Variants in NUP205 observed in about 807,000 individuals in gnomAD.
The protein encoded by NUP205 is nucleoporin 205.
Under a neutral mutation model 253.8 loss-of-function variants are expected in NUP205, and 76 were observed. That is an observed-to-expected ratio of 0.30 (90% CI 0.25 to 0.36). The LOEUF (loss-of-function observed/expected upper bound fraction) is 0.36. Ranked by LOEUF, NUP205 falls within the 10% of genes least tolerant of loss-of-function variation. NUP205 has a pLI of 1.00. For synonymous variants in NUP205, 832 were observed against 850.1 expected (o/e 0.98, Z 0.37); for missense variants, 2,162 against 2,425.5 (o/e 0.89, Z 2.28).
At chr7:135,617,820 C>G (rs779948244) in intron 27 of NUP205, 138 bp downstream of exon 27, 2 of 465,730 alleles carry the variant, frequency 4.3e-6, no homozygotes, top group Non-Finnish European at 7.7e-6. Flanking sequence ...GAGTCTTTCA[C>G]TTTTGATTTT....
intron 34 of NUP205, among the ~76,000 whole-genome samples, chr7:135,629,016 T>G (rs1794651029): frequency 6.6e-6 from 1 of 152,244 alleles, no homozygotes; most frequent in Non-Finnish European, 1.5e-5. Context: ...TATAAGACAC[T>G]GGTTCCCTAA....
At chr7:135,595,283 GTGT>G (rs1327371759) in intron 13 of NUP205, among the ~76,000 whole-genome samples, 2 of 151,588 alleles carry the variant, frequency 1.3e-5, no homozygotes, top group Non-Finnish European at 2.9e-5. Flanking sequence ...GAGTACAGTT[GTGT>G]GATCTCAGCT....
chr7:135,567,709 A>G (rs1433960984), intron 1 of NUP205, among the ~76,000 whole-genome samples: 1 of 152,096 alleles, frequency 6.6e-6, no homozygotes, highest in East Asian at 1.9e-4. Flanking sequence ...TGTTGTTCTT[A>G]TATCCTGGTA....
At position 135,594,640 on chromosome 7, in the gene NUP205, C is replaced by G; in HGVS notation, c.1924C>G (p.Leu642Val). The G allele has an allele frequency of 6.2e-7, 1 of 1,613,932 alleles. No homozygotes were observed. Reference sequence around the variant, plus strand: ...CCTCCAATGCAGTATTCCCCCTGTCCTAAAAGCTGAGCTACTGAAGACACT... The same window carrying G: ...CCTCCAATGCAGTATTCCCCCTGTCGTAAAAGCTGAGCTACTGAAGACACT... Reference protein sequence around the residue: ...GLLQCSIPPVLKAELLKTLAA... With the variant: ...GLLQCSIPPVVKAELLKTLAA... Residue 642 changes from leucine (L) to valine (V), a missense_variant, in exon 13 of 43, where the codon CTA becomes GTA. By Grantham distance (32) the Leu-to-Val change is conservative. Around this residue, in one of 5 missense-constraint regions of NUP205, gnomAD observed 892 missense variants for 957.1 expected, o/e 0.93. Transcript: ENST00000285968.
intron 19 of NUP205, among the ~76,000 whole-genome samples, chr7:135,605,394 C>T (rs888800049): frequency 6.6e-6 from 1 of 152,130 alleles, no homozygotes; most frequent in African/African-American, 2.4e-5. Flanking sequence ...TGTTGGATGG[C>T]ACAGATCTTA....
chr7:135,640,719 AG>A, intron 38 of NUP205, among the ~76,000 whole-genome samples: 1 of 152,212 alleles, frequency 6.6e-6, no homozygotes, highest in Non-Finnish European at 1.5e-5. Context: ...CTTTATTTAA[AG>A]GTATCTTTCA....
intron 33 of NUP205, among the ~76,000 whole-genome samples, chr7:135,627,750 G>C (rs1426321155): frequency 6.6e-6 from 1 of 152,152 alleles, no homozygotes; most frequent in Non-Finnish European, 1.5e-5. Context: ...TCCTCGATAA[G>C]ATTTTTCAGA....
Position 135,570,689 on chromosome 7 carries a change from TTAATATAATTA to T in NUP205, c.29-415_29-405del, listed in dbSNP as rs1210341289. Among the ~76,000 whole-genome samples the T allele has an allele frequency of 4.5e-3, 381 of 85,430 alleles. 1 individual carries two copies. Among genetic ancestry groups the T allele is most frequent in the Non-Finnish European group, 6.2e-3 (279 of 45,284 alleles). 56.0% of individuals were successfully genotyped at this position (85,430 alleles called of 152,430 possible). ...ATATAATTAATATATATTAATTATA[TTAATATAATTA>T]ATTATATTAATATAATTAATTATAT... On this transcript the variant is annotated intron_variant, in intron 1 of 42. Transcript: ENST00000285968.
Position 135,626,293 on chromosome 7 carries a change from A to G in NUP205, c.4725A>G (p.Arg1575=), listed in dbSNP as rs1473003234. The change falls in exon 33 of 43, where the codon AGA becomes AGG. Residue 1575 remains arginine (R), a synonymous_variant. Coordinates refer to ENST00000285968, the MANE Select transcript of NUP205 (RefSeq NM_015135.3). Reference sequence around the variant, plus strand: ...AGCAGGGTGCATTAGAGCTGCTAAGATCAGGGGTGATTGTGAGACTAGCTC... The same window carrying G: ...AGCAGGGTGCATTAGAGCTGCTAAGGTCAGGGGTGATTGTGAGACTAGCTC... ...KIQQGALELL[R]SGVIVRLAQC... is the part of the protein sequence containing the mutation. 29 of 1,614,022 alleles carry G rather than the reference A, an allele frequency of 1.8e-5. No homozygotes were observed. Among genetic ancestry groups the G allele is most frequent in the Non-Finnish European group, 2.4e-5 (28 of 1,179,994 alleles).
rs1032323646 is a variant in NUP205, at chr7:135,561,266, C to T, written c.28+3294C>T. ...GGCTGAGGCAGGAGAATTGCTTGAA[C>T]CCAGGAGGAGGAGGTTGCAGTGAGC... On this transcript the variant is annotated intron_variant, in intron 1 of 42. Transcript: ENST00000285968. Among the ~76,000 whole-genome samples, 3 of 152,090 alleles carry T rather than the reference C, an allele frequency of 2.0e-5. No individual in the cohort carries two copies. In the East Asian group the frequency reaches 5.8e-4, roughly 29 times the overall value.
chr7:135,598,021 C>T lies in NUP205; in HGVS notation c.2088C>T (p.Ser696=). 1 of 1,613,694 alleles carries T rather than the reference C, an allele frequency of 6.2e-7. No homozygotes were observed. Among genetic ancestry groups the T allele is most frequent in the Non-Finnish European group, 8.5e-7 (1 of 1,179,836 alleles). The change falls in exon 15 of 43, where the codon TCC becomes TCT. Residue 696 remains serine (S), a synonymous_variant. Coordinates refer to ENST00000285968, the MANE Select transcript of NUP205 (RefSeq NM_015135.3). ...GIEVELNEIE[S]RCEEYPLTRA... is the part of the protein sequence containing the mutation. The stretch of plus-strand genomic sequence containing the variant: ...AGGTTGAACTAAATGAAATAGAATC[C>T]CGGTGTGAAGAATACCCATTGACTC...
intron 33 of NUP205, 57 bp downstream of exon 33, chr7:135,626,418 AG>A (rs1563134767): frequency 9.9e-5 from 152 of 1,542,274 alleles, no homozygotes; most frequent in South Asian, 2.9e-4. Context: ...TATTAAGGGA[AG>A]AAAAAATTCC....
intron 1 of NUP205, among the ~76,000 whole-genome samples, chr7:135,558,724 G>A (rs1805501435): frequency 6.6e-6 from 1 of 152,158 alleles, no homozygotes; most frequent in Non-Finnish European, 1.5e-5. Flanking sequence ...TAGTAGGCGG[G>A]GCAAGGATGC....
chr7:135,593,190 T>C lies in NUP205; in HGVS notation c.1828T>C (p.Trp610Arg). Residue 610 changes from tryptophan to arginine, a missense_variant and splice_region_variant, in exon 12 of 43, where the codon TGG (tryptophan) becomes CGG (arginine). Physicochemically the swap from Trp to Arg is moderately radical, Grantham distance 101. Coordinates refer to ENST00000285968, the MANE Select transcript of NUP205 (RefSeq NM_015135.3). ...FLQLTSTIIT[W>R]SENARLALCE... Reference sequence around the variant, plus strand: ...GCAGCTCACGTCTACCATCATTACTTGGGTAGGTAACTCATCCCCAGCATA... The same window carrying C: ...GCAGCTCACGTCTACCATCATTACTCGGGTAGGTAACTCATCCCCAGCATA... 1 of 1,613,604 alleles carries C rather than the reference T, an allele frequency of 6.2e-7. No homozygotes were observed. Among genetic ancestry groups the C allele is most frequent in the Non-Finnish European group, 8.5e-7 (1 of 1,179,566 alleles).
chr7:135,592,903 T>G, intron 11 of NUP205, 84 bp from the exon 12 acceptor site: 1 of 1,030,692 alleles, frequency 9.7e-7, no homozygotes, highest in Non-Finnish European at 1.5e-6. Context: ...AAAAAGTATA[T>G]TGTTTTAAAT....
In NUP205 at chr7:135,645,336, CCTGT is replaced by C. The variant is rs886287653; in HGVS notation, c.5684-127_5684-124del. 2.3e-5 allele frequency: 22 copies of C among 962,280 alleles called. No individual in the cohort carries two copies. The Middle Eastern group carries it at 7.2e-4, about 32-fold the overall frequency. 59.6% of individuals were successfully genotyped at this position (962,280 alleles called of 1,614,324 possible). A position where few individuals can be genotyped will look rare whatever the true frequency, so the allele number is the denominator to read the frequency against. On this transcript the variant is annotated intron_variant, in intron 40 of 42. Transcript: ENST00000285968. ...CCTCTTGAGGAGCCTTCAGTGAGAC[CCTGT>C]CTGTTAGACTGAGGCTGTGGGTACC...
intron 34 of NUP205, among the ~76,000 whole-genome samples, chr7:135,628,712 CA>C: frequency 6.6e-6 from 1 of 152,306 alleles, no homozygotes; most frequent in South Asian, 2.1e-4. Flanking sequence ...TTAGGCTTAT[CA>C]TGAATCTACA....
rs372843114 is a variant in NUP205, at chr7:135,638,076, T to G, written c.5265+17T>G. 2 of 1,602,360 alleles carry G rather than the reference T, an allele frequency of 1.2e-6. No individual in the cohort carries two copies. The highest frequency in any genetic ancestry group is 2.7e-5 in the African/African-American group (2 of 74,034). On this transcript the variant is annotated intron_variant, in intron 37 of 42. Transcript: ENST00000285968. Reference sequence around the variant, plus strand: ...ATGCAGCAGGTAAGAACCATGTGACTTCTCTAAGGTTTTTATGTTTTTGGA... The same window carrying G: ...ATGCAGCAGGTAAGAACCATGTGACGTCTCTAAGGTTTTTATGTTTTTGGA...
intron 1 of NUP205, among the ~76,000 whole-genome samples, chr7:135,558,769 A>G (rs1805502339): frequency 6.6e-6 from 1 of 152,198 alleles, no homozygotes; most frequent in Non-Finnish European, 1.5e-5. Context: ...GTCCGGAAAA[A>G]TAATTTGGTG....
Sources: gnomAD v4.1 joint callset for allele counts (sites outside exome capture counted in the v4.1 genomes callset) on GRCh38, gnomAD v4.1.1 for gene constraint, gnomAD v4.1.1 regional missense constraint, MANE v1.5 for transcripts, NCBI Gene and HGNC (gene_info 2026-07-23, HGNC 2026-07-21) for gene names.